Variants in CABP1 observed in about 807,000 individuals in gnomAD.
CABP1 encodes the protein calcium-binding protein 1.
Under a neutral mutation model 34.3 loss-of-function variants are expected in CABP1, and 17 were observed. The observed-to-expected ratio is 0.50, with a 90% CI of 0.34 to 0.74. CABP1 has a LOEUF of 0.74. Ranked by LOEUF, CABP1 falls within the 30% of genes least tolerant of loss-of-function variation. CABP1 has a pLI of 0.01. For missense variants in CABP1, 373 were observed against 511.1 expected (o/e 0.73, Z 2.61); for synonymous variants, 198 against 229.2 (o/e 0.86, Z 1.23).
At chr12:120,642,944 A>G (rs569764649) in intron 1 of CABP1, among the ~76,000 whole-genome samples, 122 of 134,218 alleles carry the variant, frequency 9.1e-4, no homozygotes, top group Middle Eastern at 5.1e-3. Flanking sequence ...ATTGGCCTAG[A>G]ATCATACACT....
intron 5 of CABP1, among the ~76,000 whole-genome samples, chr12:120,665,066 A>G (rs1880882587): frequency 6.6e-6 from 1 of 151,916 alleles, no homozygotes; most frequent in South Asian, 2.1e-4. Flanking sequence ...CAGTGGGTGC[A>G]AGGGGTTGGG....
chr12:120,645,058 A>T (rs1276571905), intron 1 of CABP1, among the ~76,000 whole-genome samples: 1 of 151,850 alleles, frequency 6.6e-6, no homozygotes, highest in Non-Finnish European at 1.5e-5. Context: ...ATCCGCCTCA[A>T]CCTCCCAAAG....
chr12:120,656,464 T>C (rs530519268), intron 1 of CABP1, among the ~76,000 whole-genome samples: 1 of 152,262 alleles, frequency 6.6e-6, no homozygotes, highest in East Asian at 1.9e-4. Flanking sequence ...ATGATAATAA[T>C]AATAATAATA....
intron 1 of CABP1, among the ~76,000 whole-genome samples, chr12:120,649,921 G>A (rs1879734224): frequency 6.6e-6 from 1 of 152,184 alleles, no homozygotes; most frequent in Non-Finnish European, 1.5e-5. Context: ...GCCAGGGGCA[G>A]TGAGTGCTTG....
intron 1 of CABP1, among the ~76,000 whole-genome samples, chr12:120,646,781 G>A (rs913681007): frequency 1.1e-4 from 17 of 152,178 alleles, no homozygotes; most frequent in African/African-American, 4.1e-4. Context: ...TTGAAGTGCT[G>A]GGATTACAGG....
chr12:120,656,293 G>T, intron 1 of CABP1: 1 of 1,523,748 alleles, frequency 6.6e-7, no homozygotes. Flanking sequence ...TGGCCCAGTG[G>T]AGCCCGCTGA....
chr12:120,644,621 C>A (rs1879468382), intron 1 of CABP1, among the ~76,000 whole-genome samples: 1 of 152,112 alleles, frequency 6.6e-6, no homozygotes, highest in Non-Finnish European at 1.5e-5. Flanking sequence ...TGGATAAAAC[C>A]CACAGCTCTG....
At chr12:120,649,044 C>A (rs1388051462) in intron 1 of CABP1, among the ~76,000 whole-genome samples, 1 of 151,930 alleles carries the variant, frequency 6.6e-6, no homozygotes, top group Admixed American at 6.6e-5. Flanking sequence ...TCATCAATAC[C>A]CGCCCCCCAG....
the CABP1 span, among the ~76,000 whole-genome samples, chr12:120,680,249 C>G: frequency 6.6e-6 from 1 of 152,182 alleles, no homozygotes; most frequent in Non-Finnish European, 1.5e-5. Context: ...AGAAAAATAA[C>G]TGCTGCCCAT....
chr12:120,659,656 G>C (rs1880497416), intron 1 of CABP1: 1 of 504,978 alleles, frequency 2.0e-6, no homozygotes, highest in Non-Finnish European at 3.5e-6. Context: ...GGTGGGGCTG[G>C]TGGCTTCTTG....
Position 120,640,743 on chromosome 12 carries a change from C to T in CABP1, c.58C>T (p.Arg20Cys), listed in dbSNP as rs1246314872. The change falls in exon 1 of 6, where the codon CGC (arginine) becomes TGC (cysteine). Residue 20 changes from arginine (R) to cysteine (C), a missense_variant. Physicochemically the swap from Arg to Cys is radical, Grantham distance 180. Around this residue, in one of 4 missense-constraint regions of CABP1, gnomAD observed 134 missense variants for 145.4 expected, o/e 0.92. Coordinates refer to ENST00000316803, the MANE Select transcript of CABP1 (RefSeq NM_001033677.2). This position sits in a 1 kb window ranked among gnomAD's most constrained non-coding sequence, Gnocchi z 6.2. ...KRPGDGARLQ[R>C]VLGLGSRREP... ...GCCGGGGGACGGCGCCCGCCTCCAG[C>T]GCGTCCTCGGGCTTGGCTCCCGCCG... is the stretch of plus-strand genomic sequence containing the variant. 7 of 1,179,204 alleles carry T rather than the reference C, an allele frequency of 5.9e-6. No individual in the cohort carries two copies. The highest frequency in any genetic ancestry group is 7.3e-6 in the Non-Finnish European group (7 of 954,540). 73.0% of individuals were successfully genotyped at this position (1,179,204 alleles called of 1,614,324 possible).
At chr12:120,646,876 G>A (rs975395991) in intron 1 of CABP1, among the ~76,000 whole-genome samples, 1 of 152,106 alleles carries the variant, frequency 6.6e-6, no homozygotes. Context: ...CTATCTGCCC[G>A]GCTCAAGTTA....
intron 1 of CABP1, among the ~76,000 whole-genome samples, chr12:120,651,546 G>T (rs1005393334): frequency 9.9e-5 from 15 of 152,166 alleles, no homozygotes; most frequent in Non-Finnish European, 2.1e-4. Context: ...GAATGATGGC[G>T]TTGTTTTCCT....
rs867354771 is a variant in CABP1, at chr12:120,667,203, C to T, written c.*303C>T. 7.5e-6 allele frequency: 4 copies of T among 532,446 alleles called. No homozygotes were observed. Among genetic ancestry groups the T allele is most frequent in the South Asian group, 6.7e-5 (3 of 44,960 alleles). The allele number at this position is 532,446 out of a possible 1,614,324, so 33.0% of individuals were successfully genotyped here. A position where few individuals can be genotyped will look rare whatever the true frequency, so the allele number is the denominator to read the frequency against. ...TGCTGGCTGGGTGGGCCAGGGAGCCCGCCAGCAGACCCCACACAGCATGTC... is the reference window on the plus strand; with the variant it reads ...TGCTGGCTGGGTGGGCCAGGGAGCCTGCCAGCAGACCCCACACAGCATGTC... On this transcript the variant is annotated 3_prime_UTR_variant, in exon 6 of 6. Coordinates refer to ENST00000316803, the MANE Select transcript of CABP1 (RefSeq NM_001033677.2).
At chr12:120,678,899 C>G in the CABP1 span, among the ~76,000 whole-genome samples, 1 of 151,810 alleles carries the variant, frequency 6.6e-6, no homozygotes. Flanking sequence ...CATGGTGAAA[C>G]CTTGTCTCTA....
chr12:120,667,085 C>A lies in CABP1; in HGVS notation c.*185C>A. On this transcript the variant is annotated 3_prime_UTR_variant, in exon 6 of 6. Transcript: ENST00000316803. ...CCGCACTGTGAAAGACTAACTCCTG[C>A]AACTGGAAAGCGGGGGCGCCCGCCG... The A allele has an allele frequency of 3.0e-6, 2 of 668,582 alleles. No individual in the cohort carries two copies. Among genetic ancestry groups the A allele is most frequent in the South Asian group, 2.0e-5 (1 of 51,206 alleles). The allele number at this position is 668,582 out of a possible 1,614,324, so 41.4% of individuals were successfully genotyped here.
At chr12:120,677,483 G>C in the CABP1 span, among the ~76,000 whole-genome samples, 1 of 142,040 alleles carries the variant, frequency 7.0e-6, no homozygotes, top group African/African-American at 2.7e-5. Flanking sequence ...TGAAGCCTCT[G>C]CCTCCTGGGC....
the CABP1 span, among the ~76,000 whole-genome samples, chr12:120,674,521 T>C: frequency 6.6e-6 from 1 of 152,334 alleles, no homozygotes; most frequent in South Asian, 2.1e-4. Flanking sequence ...GCACTCCAGC[T>C]AATGGTTGTC....
rs967534394 is a variant in CABP1 at position 120,659,966 on chromosome 12, G to T, written c.685+58G>T. 5 of 1,567,576 alleles carry T rather than the reference G, an allele frequency of 3.2e-6. No individual in the cohort carries two copies. In the African/African-American group the frequency reaches 6.8e-5, roughly 21 times the overall value. On this transcript the variant is annotated intron_variant, in intron 2 of 5. Coordinates refer to ENST00000316803, the MANE Select transcript of CABP1 (RefSeq NM_001033677.2). The stretch of plus-strand genomic sequence containing the variant: ...CTAGCCCTCTAGGAAGGTGTGGGAA[G>T]GGAGGTTGATGGGAAGAGAGGCCCC...
Sources: allele counts gnomAD v4.1 joint callset (sites outside exome capture counted in the v4.1 genomes callset), GRCh38; gene constraint gnomAD v4.1.1; regional missense constraint gnomAD v4.1.1; non-coding constraint Gnocchi (gnomAD v3.1); transcripts MANE v1.5; gene names NCBI Gene and HGNC (gene_info 2026-07-23, HGNC 2026-07-21).